ZSCAN25: variants seen among roughly 807,000 people sequenced by gnomAD.
ZSCAN25 encodes the protein zinc finger and SCAN domain containing 25.
ZSCAN25 carries 27 observed loss-of-function variants against 38.7 expected under a neutral mutation model. The observed-to-expected ratio is 0.70, with a 90% confidence interval of 0.51 to 0.96. ZSCAN25 has a LOEUF of 0.96. Among genes scored for constraint, ZSCAN25 ranks in the 40% least tolerant of loss-of-function variants. ZSCAN25 has a pLI of 0.00. For synonymous variants in ZSCAN25, 273 were observed against 277.7 expected (o/e 0.98, Z 0.17); for missense variants, 637 against 705.9 (o/e 0.90, Z 1.11).
rs58895239 is a variant in ZSCAN25 at position 99,631,761 on chromosome 7, C to T, written c.*1741C>T. 4.0e-3 allele frequency: 3,976 copies of T among 985,384 alleles called. 110 individuals are homozygous for T. In the African/African-American group the frequency reaches 0.06, roughly 15 times the overall value. The allele number at this position is 985,384 out of a possible 1,614,324, so 61.0% of individuals were successfully genotyped here. On this transcript the variant is annotated 3_prime_UTR_variant, in exon 8 of 8. Coordinates refer to ENST00000394152, the MANE Select transcript of ZSCAN25 (RefSeq NM_145115.3). The stretch of plus-strand genomic sequence containing the variant: ...TGTCTAATTTTGGCTTAGCAAATGA[C>T]GCTCCTTGGTCTTCCTGGCTCATTA...
the ZSCAN25 span, among the ~76,000 whole-genome samples, chr7:99,656,215 T>G: frequency 6.6e-6 from 1 of 152,290 alleles, no homozygotes; most frequent in Middle Eastern, 3.4e-3. Context: ...TGGCTGTGGG[T>G]TTGTCATAAA....
the ZSCAN25 span, among the ~76,000 whole-genome samples, chr7:99,675,053 TAAAG>T: frequency 3.3e-5 from 5 of 152,194 alleles, no homozygotes; most frequent in Admixed American, 1.3e-4. Context: ...ATTAGAAAGT[TAAAG>T]AAACCAGGAA....
chr7:99,695,902 A>G, the ZSCAN25 span: 1 of 1,423,106 alleles, frequency 7.0e-7, no homozygotes, highest in Non-Finnish European at 9.8e-7. Context: ...GGGGCTGGTA[A>G]GTCACTGACT....
the ZSCAN25 span, among the ~76,000 whole-genome samples, chr7:99,732,897 C>T: frequency 6.6e-6 from 1 of 152,120 alleles, no homozygotes; most frequent in Non-Finnish European, 1.5e-5. Context: ...TAAAATGTTC[C>T]AGATAGTTGA....
At chr7:99,726,339 C>T in the ZSCAN25 span, among the ~76,000 whole-genome samples, 1 of 152,204 alleles carries the variant, frequency 6.6e-6, no homozygotes, top group African/African-American at 2.4e-5. Context: ...AGCCTACAAA[C>T]TCTCCTTATA....
chr7:99,733,550 T>C, the ZSCAN25 span, among the ~76,000 whole-genome samples: 1 of 152,212 alleles, frequency 6.6e-6, no homozygotes, highest in Non-Finnish European at 1.5e-5. Context: ...GCTAAGGTAT[T>C]GTCTGCCTGA....
At chr7:99,639,885 A>G in the ZSCAN25 span, among the ~76,000 whole-genome samples, 2 of 151,734 alleles carry the variant, frequency 1.3e-5, no homozygotes, top group African/African-American at 2.4e-5. Context: ...GGGCAACATA[A>G]TGAGACCCCC....
Position 99,630,513 on chromosome 7 carries a change from A to C in ZSCAN25, c.*493A>C. The C allele has an allele frequency of 1.0e-6, 1 of 993,478 alleles. No individual in the cohort carries two copies. Among genetic ancestry groups the C allele is most frequent in the Non-Finnish European group, 1.2e-6 (1 of 834,962 alleles). 61.5% of individuals were successfully genotyped at this position (993,478 alleles called of 1,614,324 possible). A position where few individuals can be genotyped will look rare whatever the true frequency, so the allele number is the denominator to read the frequency against. On this transcript the variant is annotated 3_prime_UTR_variant, in exon 8 of 8. Coordinates refer to ENST00000394152, the MANE Select transcript of ZSCAN25 (RefSeq NM_145115.3). ...CGTGGTGAATGAGAGACTAGACGTG[A>C]TGCCTCTGGGGGTTGTGCGTTGGGG...
the ZSCAN25 span, among the ~76,000 whole-genome samples, chr7:99,666,321 T>A: frequency 6.6e-6 from 1 of 152,192 alleles, no homozygotes; most frequent in Non-Finnish European, 1.5e-5. Context: ...CATGTTTTTT[T>A]AATTTCTAAA....
At chr7:99,715,911 G>T in the ZSCAN25 span, 1 of 1,613,706 alleles carries the variant, frequency 6.2e-7, no homozygotes, top group South Asian at 1.1e-5. Flanking sequence ...AAGACGCTGA[G>T]TGGAGAAAGA....
chr7:99,631,842 C>T lies in ZSCAN25; in HGVS notation c.*1822C>T, dbSNP rs1175659968. 6.1e-6 allele frequency: 6 copies of T among 985,450 alleles called. No individual in the cohort carries two copies. Among genetic ancestry groups the T allele is most frequent in the Admixed American group, 1.2e-4 (2 of 16,276 alleles). 61.0% of individuals were successfully genotyped at this position (985,450 alleles called of 1,614,324 possible). A position where few individuals can be genotyped will look rare whatever the true frequency, so the allele number is the denominator to read the frequency against. On this transcript the variant is annotated 3_prime_UTR_variant, in exon 8 of 8. Coordinates refer to ENST00000394152, the MANE Select transcript of ZSCAN25 (RefSeq NM_145115.3). ...CGTAAATGTATCTGAGATGTCCACACGGGGCTGCTGCTGCTCCTCTGTAAT... is the reference window on the plus strand; with the variant it reads ...CGTAAATGTATCTGAGATGTCCACATGGGGCTGCTGCTGCTCCTCTGTAAT...
At chr7:99,728,124 C>G in the ZSCAN25 span, among the ~76,000 whole-genome samples, 1 of 152,198 alleles carries the variant, frequency 6.6e-6, no homozygotes, top group Non-Finnish European at 1.5e-5. Context: ...AAGTTTCCAT[C>G]TATCAATCCC....
chr7:99,709,319 A>T, the ZSCAN25 span: 1 of 1,574,946 alleles, frequency 6.3e-7, no homozygotes, highest in Non-Finnish European at 8.6e-7. Flanking sequence ...CTTTTAACTC[A>T]GTCCATGTAG....
chr7:99,664,752 T>G, the ZSCAN25 span, among the ~76,000 whole-genome samples: 1 of 151,944 alleles, frequency 6.6e-6, no homozygotes, highest in African/African-American at 2.4e-5. Context: ...TTATAATTAT[T>G]TACACCACAA....
At chr7:99,729,925 G>A in the ZSCAN25 span, among the ~76,000 whole-genome samples, 63 of 152,258 alleles carry the variant, frequency 4.1e-4, no homozygotes, top group African/African-American at 1.5e-3. Flanking sequence ...TCACACGGAC[G>A]CATGTGAAAG....
chr7:99,694,044 T>A, the ZSCAN25 span, among the ~76,000 whole-genome samples: 1 of 152,216 alleles, frequency 6.6e-6, no homozygotes, highest in Non-Finnish European at 1.5e-5. Flanking sequence ...CTCAAAGTGC[T>A]GTAGATACTG....
In ZSCAN25 at chr7:99,631,086, C is replaced by T. The variant is rs1210477427; in HGVS notation, c.*1066C>T. The T allele has an allele frequency of 7.1e-6, 7 of 985,258 alleles. No homozygotes were observed. The highest frequency in any genetic ancestry group is 4.7e-5 in the South Asian group (1 of 21,280). 61.0% of individuals were successfully genotyped at this position (985,258 alleles called of 1,614,324 possible). On this transcript the variant is annotated 3_prime_UTR_variant, in exon 8 of 8. Coordinates refer to ENST00000394152, the MANE Select transcript of ZSCAN25 (RefSeq NM_145115.3). ...AAATAGGGGGAGAAGCTGTTGACCT[C>T]GTAGAGCTTATGTCTCGTGGATGTA...
chr7:99,679,925 G>C, the ZSCAN25 span: 11 of 1,604,534 alleles, frequency 6.9e-6, no homozygotes, highest in African/African-American at 2.7e-5. Context: ...ACTGTGTTCT[G>C]TGAGTCTTCC....
At chr7:99,675,670 T>A in the ZSCAN25 span, among the ~76,000 whole-genome samples, 9 of 11,062 alleles carry the variant, frequency 8.1e-4, no homozygotes, top group African/African-American at 1.3e-3. Context: ...TCCCCTCCCC[T>A]CTCCTTCCTC....
Sources: gnomAD v4.1 joint callset for allele counts (sites outside exome capture counted in the v4.1 genomes callset) on GRCh38, gnomAD v4.1.1 for gene constraint, MANE v1.5 for transcripts, NCBI Gene and HGNC (gene_info 2026-07-23, HGNC 2026-07-21) for gene names.